The following UBA2 variants were observed in gnomAD, a reference collection of about 807,000 sequenced individuals.
UBA2 encodes the protein SUMO-activating enzyme subunit 2.
In UBA2, 11 loss-of-function variants were observed where a neutral mutation model predicts 77.2. The observed-to-expected ratio is 0.14, with a 90% CI of 0.09 to 0.24. The LOEUF (loss-of-function observed/expected upper bound fraction) is 0.24. Among genes scored for constraint, UBA2 ranks in the 10% least tolerant of loss-of-function variants. The probability of loss-of-function intolerance (pLI) is 1.00; values close to 1 mark genes in which losing one functional copy is unlikely to be tolerated. For synonymous variants in UBA2, 278 were observed against 276.7 expected (o/e 1.00, Z -0.05); for missense variants, 487 against 781.7 (o/e 0.62, Z 4.50).
Position 34,469,212 on chromosome 19 carries a change from A to G in UBA2, c.1914A>G (p.Ala638=), listed in dbSNP as rs896601256. ...EQKEELDDVI[A]LD ...AGGAAGAGCTTGATGATGTCATAGC[A>G]TTAGATTGAACAGAAATGCCTCTAA... Residue 638 remains alanine (A), a synonymous_variant, in exon 17 of 17, where the codon GCA becomes GCG. Coordinates refer to ENST00000246548, the MANE Select transcript of UBA2 (RefSeq NM_005499.3). 1 of 1,585,940 alleles carries G rather than the reference A, an allele frequency of 6.3e-7. No individual in the cohort carries two copies.
At chr19:34,449,548 G>T (rs1488798586) in intron 8 of UBA2, among the ~76,000 whole-genome samples, 1 of 152,116 alleles carries the variant, frequency 6.6e-6, no homozygotes, top group African/African-American at 2.4e-5. Context: ...CCTGGTACCA[G>T]CAATAAATGT....
chr19:34,464,886 G>A (rs1369042702), intron 15 of UBA2, among the ~76,000 whole-genome samples: 1 of 152,142 alleles, frequency 6.6e-6, no homozygotes, highest in Non-Finnish European at 1.5e-5. Context: ...GAGGCGGGTG[G>A]ATCACCTGAG....
chr19:34,433,235 T>A (rs528440984), intron 3 of UBA2, 113 bp from the exon 4 acceptor site: 1 of 722,588 alleles, frequency 1.4e-6, no homozygotes, highest in South Asian at 1.6e-5. Context: ...CATATAATCC[T>A]GATATCAGTT....
At chr19:34,437,050 G>C (rs1445707079) in intron 5 of UBA2, among the ~76,000 whole-genome samples, 1 of 152,138 alleles carries the variant, frequency 6.6e-6, no homozygotes, top group African/African-American at 2.4e-5. Flanking sequence ...TGGTGTTTCA[G>C]AGAAAACTCT....
rs953712689 is a variant in UBA2 at position 34,458,417 on chromosome 19, G to A, written c.1246-352G>A. Among the ~76,000 whole-genome samples, 14 of 151,770 alleles carry A rather than the reference G, an allele frequency of 9.2e-5. No individual in the cohort carries two copies. The South Asian group carries it at 2.9e-3, about 32-fold the overall frequency. The stretch of plus-strand genomic sequence containing the variant: ...AAAAAAAAAATACAAAAAATTAGCC[G>A]GGCGAGGTGGCGGGCGCCTGTAGTC... On this transcript the variant is annotated intron_variant, in intron 12 of 16. Coordinates refer to ENST00000246548, the MANE Select transcript of UBA2 (RefSeq NM_005499.3).
chr19:34,457,180 A>ATATG, intron 12 of UBA2, among the ~76,000 whole-genome samples: 1 of 39,984 alleles, frequency 2.5e-5, no homozygotes, highest in East Asian at 1.8e-3. Context: ...AAAAAAAAAA[A>ATATG]TATATATATA....
Position 34,436,471 on chromosome 19 carries a change from G to A in UBA2, c.459+1503G>A, listed in dbSNP as rs145230611. Among the ~76,000 whole-genome samples the A allele has an allele frequency of 6.2e-3, 939 of 152,120 alleles. 8 individuals are homozygous for A. Among genetic ancestry groups the A allele is most frequent in the African/African-American group, 0.021 (891 of 41,502 alleles). On this transcript the variant is annotated intron_variant, in intron 5 of 16. Coordinates refer to ENST00000246548, the MANE Select transcript of UBA2 (RefSeq NM_005499.3). ...TGCGCCACCACGCCTGGCTAATTTTGTATTTTTAGTAGAGACGGGGTTTCT... is the reference window on the plus strand; with the variant it reads ...TGCGCCACCACGCCTGGCTAATTTTATATTTTTAGTAGAGACGGGGTTTCT...
chr19:34,461,613 G>A (rs1483213906), intron 14 of UBA2, among the ~76,000 whole-genome samples: 3 of 152,192 alleles, frequency 2.0e-5, no homozygotes, highest in Non-Finnish European at 4.4e-5. Context: ...TGGCTTCAGC[G>A]TGACCCTTCT....
intron 8 of UBA2, among the ~76,000 whole-genome samples, chr19:34,446,335 C>G (rs1210534524): frequency 1.3e-5 from 2 of 152,224 alleles, no homozygotes; most frequent in Non-Finnish European, 2.9e-5. Context: ...TTCCACATAA[C>G]CGAAAACTCT....
chr19:34,463,537 A>G (rs1296724195), intron 14 of UBA2, among the ~76,000 whole-genome samples: 1 of 151,948 alleles, frequency 6.6e-6, no homozygotes, highest in Non-Finnish European at 1.5e-5. Flanking sequence ...CCTTTCCTCT[A>G]GGGGTGCACA....
chr19:34,456,934 A>G (rs1164776575), intron 12 of UBA2, among the ~76,000 whole-genome samples: 1 of 151,622 alleles, frequency 6.6e-6, no homozygotes, highest in Non-Finnish European at 1.5e-5. Flanking sequence ...GAGCTCACCA[A>G]CAGTACTAAT....
chr19:34,443,661 C>T (rs1166434163), intron 6 of UBA2, among the ~76,000 whole-genome samples, 183 bp from the exon 7 acceptor site: 1 of 152,000 alleles, frequency 6.6e-6, no homozygotes, highest in South Asian at 2.1e-4. Flanking sequence ...AGGCTGGTCT[C>T]GAACTCCTGA....
chr19:34,434,556 G>A (rs2075289623), intron 4 of UBA2, among the ~76,000 whole-genome samples: 1 of 152,174 alleles, frequency 6.6e-6, no homozygotes, highest in Non-Finnish European at 1.5e-5. Flanking sequence ...GTGAGTTTAG[G>A]AACACCTTGA....
In UBA2 at chr19:34,430,674, C is replaced by T; in HGVS notation, c.222+15C>T. 3 of 1,590,236 alleles carry T rather than the reference C, an allele frequency of 1.9e-6. No homozygotes were observed. The highest frequency in any genetic ancestry group is 2.6e-6 in the Non-Finnish European group (3 of 1,158,922). The stretch of plus-strand genomic sequence containing the variant: ...CAAAGGCACAGGTAACTATATTTCT[C>T]ATACCATTTCTATAACTTGATGGAG... On this transcript the variant is annotated intron_variant, in intron 2 of 16. Coordinates refer to ENST00000246548, the MANE Select transcript of UBA2 (RefSeq NM_005499.3).
intron 8 of UBA2, among the ~76,000 whole-genome samples, chr19:34,447,299 A>G (rs146147132): frequency 0.012 from 1,807 of 152,230 alleles, 33 homozygotes; most frequent in African/African-American, 0.042. Context: ...TGCTTTTCCC[A>G]GTCCACTGAC....
rs902562420 is a variant in UBA2 at position 34,469,670 on chromosome 19, A to T, written c.*449A>T. 2.0e-5 allele frequency: 3 copies of T among 152,728 alleles called. No individual in the cohort carries two copies. Among genetic ancestry groups the T allele is most frequent in the Non-Finnish European group, 4.4e-5 (3 of 68,096 alleles). The allele number at this position is 152,728 out of a possible 1,614,324, so 9.5% of individuals were successfully genotyped here. On this transcript the variant is annotated 3_prime_UTR_variant, in exon 17 of 17. Transcript: ENST00000246548. ...CAGATTCAAAGAAGTATCGAGTGCT[A>T]TGCATTGAAACTTGTTTTTAAATGT...
chr19:34,440,560 C>G (rs1159872987), intron 6 of UBA2, among the ~76,000 whole-genome samples: 1 of 152,080 alleles, frequency 6.6e-6, no homozygotes, highest in African/African-American at 2.4e-5. Flanking sequence ...CTGTCAAGGC[C>G]ATTATGGCAT....
At chr19:34,437,836 C>A (rs1384141238) in intron 5 of UBA2, among the ~76,000 whole-genome samples, 1 of 152,112 alleles carries the variant, frequency 6.6e-6, no homozygotes, top group African/African-American at 2.4e-5. Flanking sequence ...GGGCGAATCA[C>A]ATGAAGTCAG....
chr19:34,429,330 T>TA (rs1257132931), intron 1 of UBA2: 1 of 839,180 alleles, frequency 1.2e-6, no homozygotes, highest in African/African-American at 1.8e-5. Context: ...ATGCAAACTT[T>TA]TTAGAGATTG....
Sources: allele counts gnomAD v4.1 joint callset (sites outside exome capture counted in the v4.1 genomes callset), GRCh38; gene constraint gnomAD v4.1.1; transcripts MANE v1.5; gene names NCBI Gene and HGNC (gene_info 2026-07-23, HGNC 2026-07-21).